Variants in FBXO38 observed in about 807,000 individuals in gnomAD.
The protein encoded by FBXO38 is F-box protein 38, also known as F-box only protein 38.
In FBXO38, 53 loss-of-function variants were observed where a neutral mutation model predicts 131.9. That is an observed-to-expected ratio of 0.40 (90% CI 0.32 to 0.51). FBXO38 has a LOEUF of 0.51. Ranked by LOEUF, FBXO38 falls within the 20% of genes least tolerant of loss-of-function variation. FBXO38 has a pLI of 0.53. For synonymous variants in FBXO38, 452 were observed against 505.6 expected (o/e 0.89, Z 1.42); for missense variants, 1,076 against 1,475.6 (o/e 0.73, Z 4.44).
At chr5:148,433,934 G>A (rs926947385) in intron 17 of FBXO38, 197 bp downstream of exon 17, 6 of 369,136 alleles carry the variant, frequency 1.6e-5, no homozygotes, top group East Asian at 4.3e-5. Context: ...TAGAAACTTC[G>A]TTCATCTTTT....
intron 9 of FBXO38, 96 bp from the exon 10 acceptor site, chr5:148,414,040 G>T: frequency 8.5e-7 from 1 of 1,178,724 alleles, no homozygotes; most frequent in South Asian, 1.6e-5. Context: ...TGATGGTAGA[G>T]ACTTTTTATA....
chr5:148,441,596 T>G (rs1479587516), intron 21 of FBXO38: 1 of 201,790 alleles, frequency 5.0e-6, no homozygotes, highest in Non-Finnish European at 9.8e-6. Flanking sequence ...GTGTGGAAAC[T>G]TATAATTTAG....
At chr5:148,401,904 G>T in intron 3 of FBXO38, 78 bp from the exon 4 acceptor site, 1 of 1,383,042 alleles carries the variant, frequency 7.2e-7, no homozygotes, top group African/African-American at 1.4e-5. Context: ...TTTAACTTTT[G>T]GTAAAAATCA....
intron 17 of FBXO38, among the ~76,000 whole-genome samples, chr5:148,436,049 G>A (rs1754330072): frequency 6.6e-6 from 1 of 152,004 alleles, no homozygotes; most frequent in East Asian, 1.9e-4. Flanking sequence ...CCACCATAAT[G>A]GATAAAATAA....
intron 2 of FBXO38, among the ~76,000 whole-genome samples, chr5:148,396,540 A>T (rs1235998944): frequency 6.6e-6 from 1 of 152,200 alleles, no homozygotes; most frequent in African/African-American, 2.4e-5. Flanking sequence ...GAATTAAACA[A>T]ATCCTTCAAA....
At chr5:148,416,900 G>A (rs1753086244) in intron 11 of FBXO38, 94 bp from the exon 12 acceptor site, 1 of 734,254 alleles carries the variant, frequency 1.4e-6, no homozygotes. Context: ...ATAAATATTA[G>A]TTATAATGTA....
In FBXO38 at chr5:148,428,656, A is replaced by G. The variant is rs367780156; in HGVS notation, c.2653+709A>G. On this transcript the variant is annotated intron_variant, in intron 15 of 21. Coordinates refer to ENST00000340253, the MANE Select transcript of FBXO38 (RefSeq NM_205836.3). ...ATCATTACTGCCTGACAGTGATAAT[A>G]ATGTATTTTAATTTTCTTCAAGTAG... is the stretch of plus-strand genomic sequence containing the variant. 4.1e-4 allele frequency among the ~76,000 whole-genome samples: 63 copies of G among 152,296 alleles called. No individual in the cohort carries two copies. In the South Asian group the frequency reaches 6.2e-3, roughly 15 times the overall value.
intron 13 of FBXO38, 139 bp from the exon 14 acceptor site, chr5:148,425,383 A>G: frequency 1.7e-6 from 1 of 592,602 alleles, no homozygotes; most frequent in South Asian, 2.4e-5. Context: ...CAAGTGCATT[A>G]TCAGTTAAAA....
chr5:148,425,474 T>A, intron 13 of FBXO38, 48 bp from the exon 14 acceptor site: 1 of 1,455,168 alleles, frequency 6.9e-7, no homozygotes, highest in Non-Finnish European at 9.6e-7. Flanking sequence ...TTGCATTAGA[T>A]CCTTTCTTGC....
intron 1 of FBXO38, chr5:148,389,780 G>C (rs1234312626): frequency 6.6e-6 from 1 of 152,382 alleles, no homozygotes; most frequent in African/African-American, 2.4e-5. Context: ...TGTAATCCCA[G>C]CACTTTGGGA....
At chr5:148,437,593 C>G (rs986968214) in intron 17 of FBXO38, among the ~76,000 whole-genome samples, 9 of 151,954 alleles carry the variant, frequency 5.9e-5, no homozygotes, top group Admixed American at 2.6e-4. Flanking sequence ...CAAGTTGGAC[C>G]TGGTTGAAAT....
At chr5:148,427,074 T>C in intron 14 of FBXO38, 139 bp from the exon 15 acceptor site, 1 of 976,592 alleles carries the variant, frequency 1.0e-6, no homozygotes, top group Non-Finnish European at 1.5e-6. Flanking sequence ...AGCTCAGTGA[T>C]GTGATCACAG....
chr5:148,395,653 A>G (rs936129863), intron 2 of FBXO38, among the ~76,000 whole-genome samples: 2 of 152,120 alleles, frequency 1.3e-5, no homozygotes, highest in Non-Finnish European at 2.9e-5. Flanking sequence ...GATAGACATA[A>G]TAGCAATATT....
chr5:148,391,109 T>G (rs1275100674), intron 1 of FBXO38, among the ~76,000 whole-genome samples: 1 of 152,160 alleles, frequency 6.6e-6, no homozygotes, highest in Non-Finnish European at 1.5e-5. Flanking sequence ...AGCTGTTAGG[T>G]GTGTCACTGC....
rs1432496027 is a variant in FBXO38, at chr5:148,440,532, G to A, written c.3274+5G>A. 2.6e-6 allele frequency: 4 copies of A among 1,541,478 alleles called. No individual in the cohort carries two copies. Among genetic ancestry groups the A allele is most frequent in the Non-Finnish European group, 3.6e-6 (4 of 1,116,338 alleles). ...GAGAAATCTATACTTTAGAAGGTGAGTATTTACAAATGTTTAGAAAGTTAA... is the reference window on the plus strand; with the variant it reads ...GAGAAATCTATACTTTAGAAGGTGAATATTTACAAATGTTTAGAAAGTTAA... On this transcript the variant is annotated splice_donor_5th_base_variant and intron_variant, in intron 20 of 21. Coordinates refer to ENST00000340253, the MANE Select transcript of FBXO38 (RefSeq NM_205836.3).
At chr5:148,440,593 G>A (rs1754621754) in intron 20 of FBXO38, 66 bp downstream of exon 20, 9 of 940,608 alleles carry the variant, frequency 9.6e-6, no homozygotes, top group African/African-American at 1.7e-5. Context: ...TAATCCCAGC[G>A]ACTCAGGAGG....
chr5:148,437,154 C>G (rs1170129880), intron 17 of FBXO38, among the ~76,000 whole-genome samples: 1 of 152,244 alleles, frequency 6.6e-6, no homozygotes, highest in Non-Finnish European at 1.5e-5. Flanking sequence ...ATCACACGGC[C>G]TCAGGCCCAA....
intron 11 of FBXO38, 64 bp downstream of exon 11, chr5:148,416,134 A>ATTTT: frequency 8.4e-6 from 10 of 1,195,808 alleles, no homozygotes; most frequent in African/African-American, 6.5e-5. Flanking sequence ...ACAGCCTGTG[A>ATTTT]TTTTTTTTTT....
chr5:148,409,573 C>T (rs1265879614), intron 8 of FBXO38, among the ~76,000 whole-genome samples: 3 of 152,198 alleles, frequency 2.0e-5, no homozygotes, highest in Non-Finnish European at 4.4e-5. Flanking sequence ...GGATGATTTT[C>T]TGAATTGTTC....
Sources: gnomAD v4.1 joint callset for allele counts (sites outside exome capture counted in the v4.1 genomes callset) on GRCh38, gnomAD v4.1.1 for gene constraint, MANE v1.5 for transcripts, NCBI Gene and HGNC (gene_info 2026-07-23, HGNC 2026-07-21) for gene names.